Variants in ERCC5 observed in about 807,000 individuals in gnomAD.
The protein encoded by ERCC5 is ERCC excision repair 5, endonuclease.
ERCC5 carries 68 observed loss-of-function variants against 105.6 expected under a neutral mutation model. That is an observed-to-expected ratio of 0.64 (90% CI 0.53 to 0.79). The LOEUF is 0.79. ERCC5 is among the 30% of genes least tolerant of loss of function. The pLI is 0.00. For synonymous variants in ERCC5, 546 were observed against 526.2 expected, an observed-to-expected ratio of 1.04 and a Z score of -0.51; for missense variants, 1,373 against 1,426.7, an observed-to-expected ratio of 0.96 and a Z score of 0.61.
At position 102,866,699 on chromosome 13, in the gene ERCC5, T is replaced by G; in HGVS notation, c.2387T>G (p.Ile796Ser). The change falls in exon 11 of 15, where the codon ATC becomes AGC. Residue 796 changes from isoleucine (I) to serine (S), a missense_variant. By Grantham distance (142) the Ile-to-Ser change is moderately radical. Transcript: ENST00000652225. ...ATGGAAGCAGAGGCGCAGTGCGCCA[T>G]CCTGGACCTGACTGATCAGACTTCC... Reference protein sequence around the residue: ...APMEAEAQCAILDLTDQTSGT... With the variant: ...APMEAEAQCASLDLTDQTSGT... 1 of 1,614,232 alleles carries G rather than the reference T, an allele frequency of 6.2e-7. No homozygotes were observed. The highest frequency in any genetic ancestry group is 8.5e-7 in the Non-Finnish European group (1 of 1,180,044).
chr13:102,870,294 T>C (rs1882989756), intron 12 of ERCC5, among the ~76,000 whole-genome samples: 2 of 152,184 alleles, frequency 1.3e-5, no homozygotes, highest in African/African-American at 4.8e-5. Flanking sequence ...ATGGATTCTG[T>C]TGGGGGAAAA....
intron 4 of ERCC5, among the ~76,000 whole-genome samples, chr13:102,854,990 C>T (rs1272455585): frequency 6.6e-6 from 1 of 152,190 alleles, no homozygotes; most frequent in East Asian, 1.9e-4. Flanking sequence ...CCACCTCTTC[C>T]TTTCCCAGGA....
chr13:102,852,050 T>A, intron 1 of ERCC5, 68 bp from the exon 2 acceptor site: 1 of 1,544,142 alleles, frequency 6.5e-7, no homozygotes, highest in Non-Finnish European at 8.9e-7. Context: ...ATATCAGTTA[T>A]TAGGAAATTG....
At chr13:102,872,477 G>A in intron 13 of ERCC5, 79 bp downstream of exon 13, 1 of 1,550,204 alleles carries the variant, frequency 6.5e-7, no homozygotes, top group Non-Finnish European at 8.8e-7. Flanking sequence ...AGAGAAACTT[G>A]GATCATTTTT....
chr13:102,862,410 A>G lies in ERCC5; in HGVS notation c.1261A>G (p.Ile421Val), dbSNP rs1383928094. 6 of 1,601,428 alleles carry G rather than the reference A, an allele frequency of 3.7e-6. No individual in the cohort carries two copies. The highest frequency in any genetic ancestry group is 5.1e-6 in the Non-Finnish European group (6 of 1,174,814). ...TGGPGAEEMR[I>V]NSSTENSDEG... ...AGGGCCAGGAGCAGAAGAAATGCGT[A>G]TAAACAGCTCCACCGAGAACAGTGA... is the stretch of plus-strand genomic sequence containing the variant. Residue 421 changes from isoleucine (I) to valine (V), a missense_variant, in exon 8 of 15, where the codon ATA becomes GTA. Physicochemically the swap from Ile to Val is conservative, Grantham distance 29. Coordinates refer to ENST00000652225, the MANE Select transcript of ERCC5 (RefSeq NM_000123.4).
chr13:102,861,951 G>A, intron 7 of ERCC5, 79 bp from the exon 8 acceptor site: 1 of 1,551,314 alleles, frequency 6.4e-7, no homozygotes, highest in Non-Finnish European at 8.9e-7. Context: ...GAGAACCAGT[G>A]TTCTCTTATC....
rs376962813 is a variant in ERCC5 at position 102,846,244 on chromosome 13, C to T, written c.-23C>T. 1.9e-6 allele frequency: 3 copies of T among 1,603,764 alleles called. No homozygotes were observed. The South Asian group carries it at 3.3e-5, about 18-fold the overall frequency. Reference sequence around the variant, plus strand: ...AATTAGAGTAGAAGTTGTCGGGGTCCGCTCTTAGGACGCAGCCGCCTCATG... The same window carrying T: ...AATTAGAGTAGAAGTTGTCGGGGTCTGCTCTTAGGACGCAGCCGCCTCATG... On this transcript the variant is annotated 5_prime_UTR_variant, in exon 1 of 15. Transcript: ENST00000652225.
chr13:102,855,535 GC>G (rs1882382021), intron 4 of ERCC5, among the ~76,000 whole-genome samples: 1 of 152,204 alleles, frequency 6.6e-6, no homozygotes, highest in African/African-American at 2.4e-5. Context: ...GCAGGCGTGA[GC>G]CACCACACGC....
chr13:102,866,351 T>G lies in ERCC5; in HGVS notation c.2289T>G (p.Thr763=). 2 of 1,614,198 alleles carry G rather than the reference T, an allele frequency of 1.2e-6. No individual in the cohort carries two copies. The highest frequency in any genetic ancestry group is 1.7e-6 in the Non-Finnish European group (2 of 1,180,008). ...QKQQQERIAA[T]VTGQMFLESQ... ...AGCAGCAAGAACGGATCGCTGCTAC[T>G]GTCACCGGACAGATGTTCCTGGAAA... The change falls in exon 10 of 15, where the codon ACT becomes ACG. Residue 763 remains threonine, a synonymous_variant. Coordinates refer to ENST00000652225, the MANE Select transcript of ERCC5 (RefSeq NM_000123.4).
intron 2 of ERCC5, among the ~76,000 whole-genome samples, chr13:102,852,855 G>A (rs760809174): frequency 5.3e-5 from 8 of 152,120 alleles, no homozygotes; most frequent in Admixed American, 1.3e-4. Context: ...TTGGAAGGCC[G>A]GGGGCAGGAG....
rs1399711644 is a variant in ERCC5 at position 102,853,709 on chromosome 13, A to G, written c.265-48A>G. On this transcript the variant is annotated intron_variant, in intron 2 of 14. Transcript: ENST00000652225. ...GAAAATAAATCACAGCAATGTTTCT[A>G]GTGGTCTAATATCCTGAAGTGAGAT... 1.9e-6 allele frequency: 3 copies of G among 1,557,398 alleles called. No individual in the cohort carries two copies. In the East Asian group the frequency reaches 6.7e-5, roughly 35 times the overall value.
chr13:102,869,624 A>G (rs866830693), intron 12 of ERCC5, among the ~76,000 whole-genome samples: 1 of 152,270 alleles, frequency 6.6e-6, no homozygotes, highest in African/African-American at 2.4e-5. Flanking sequence ...TATCGTTTTT[A>G]ATGGCTACAG....
At chr13:102,866,932 G>A in intron 11 of ERCC5, 87 bp downstream of exon 11, 5 of 1,436,834 alleles carry the variant, frequency 3.5e-6, no homozygotes, top group Non-Finnish European at 2.8e-6. Flanking sequence ...GAACTAGTTT[G>A]ATGCATTGAT....
chr13:102,850,309 G>C (rs1042819525), intron 1 of ERCC5, among the ~76,000 whole-genome samples: 1 of 152,134 alleles, frequency 6.6e-6, no homozygotes, highest in Non-Finnish European at 1.5e-5. Flanking sequence ...TGAGACCTTA[G>C]AGTAGGAGAG....
At position 102,858,417 on chromosome 13, in the gene ERCC5, A is replaced by T; in HGVS notation, c.671A>T (p.Glu224Val). ...AGAACATTATTTGAAGCAATGCCAG[A>T]GGTGAAATATGCAACAGTACATTCA... ...RRRTLFEAMP[E>V]ESDDFSQYQL... The change falls in exon 6 of 15, where the codon GAG becomes GTG. Residue 224 changes from glutamate (E) to valine (V), a missense_variant and splice_region_variant. Glu to Val is a moderately radical substitution (Grantham distance 121). This residue lies in a region of ERCC5 where 1,004 missense variants were observed against 1,059.7 expected (regional missense o/e 0.95). Coordinates refer to ENST00000652225, the MANE Select transcript of ERCC5 (RefSeq NM_000123.4). 3 of 1,614,168 alleles carry T rather than the reference A, an allele frequency of 1.9e-6. No individual in the cohort carries two copies. The highest frequency in any genetic ancestry group is 2.5e-6 in the Non-Finnish European group (3 of 1,179,994).
At chr13:102,855,985 C>T (rs1008156245) in intron 4 of ERCC5, 67 bp from the exon 5 acceptor site, 2 of 1,493,476 alleles carry the variant, frequency 1.3e-6, no homozygotes, top group Non-Finnish European at 1.9e-6. Flanking sequence ...CAGAGCCTTG[C>T]ATACAAGTAT....
intron 1 of ERCC5, among the ~76,000 whole-genome samples, chr13:102,848,737 A>T (rs953705503): frequency 6.6e-6 from 1 of 152,076 alleles, no homozygotes; most frequent in African/African-American, 2.4e-5. Flanking sequence ...TTATACAAAT[A>T]TTTTCAGATT....
intron 8 of ERCC5, 141 bp downstream of exon 8, chr13:102,863,244 C>A: frequency 2.0e-6 from 2 of 985,516 alleles, no homozygotes; most frequent in Non-Finnish European, 3.0e-6. Flanking sequence ...AAATGACTTT[C>A]CCAGGGAGTC....
intron 12 of ERCC5, among the ~76,000 whole-genome samples, chr13:102,869,512 GA>G (rs972647889): frequency 4.7e-4 from 71 of 152,044 alleles, no homozygotes; most frequent in African/African-American, 1.6e-3. Flanking sequence ...GTGTGTGTAT[GA>G]TTTTTTTTAT....
Sources: allele counts gnomAD v4.1 joint callset (sites outside exome capture counted in the v4.1 genomes callset), GRCh38; gene constraint gnomAD v4.1.1; regional missense constraint gnomAD v4.1.1; transcripts MANE v1.5; gene names NCBI Gene and HGNC (gene_info 2026-07-23, HGNC 2026-07-21).